CRACDL: variants seen among roughly 807,000 people sequenced by gnomAD.
CRACDL encodes the protein CRACD-like protein.
CRACDL carries 26 observed loss-of-function variants against 70.6 expected under a neutral mutation model. That is an observed-to-expected ratio of 0.37 (90% CI 0.27 to 0.51). CRACDL has a LOEUF of 0.51. Among genes scored for constraint, CRACDL ranks in the 20% least tolerant of loss-of-function variants. The pLI is 0.94. For synonymous variants in CRACDL, 618 were observed against 615.2 expected (o/e 1.00, Z -0.07); for missense variants, 1,283 against 1,376.9 (o/e 0.93, Z 1.08).
At chr2:98,915,933 G>A (rs893690115) in intron 1 of CRACDL, among the ~76,000 whole-genome samples, 8 of 152,158 alleles carry the variant, frequency 5.3e-5, no homozygotes, top group Non-Finnish European at 8.8e-5. Context: ...TGTGTTTGAC[G>A]AATGACAGCC....
At chr2:98,830,946 C>T (rs1705516360) in intron 5 of CRACDL, among the ~76,000 whole-genome samples, 3 of 152,182 alleles carry the variant, frequency 2.0e-5, no homozygotes, top group Admixed American at 2.0e-4. Context: ...AAAGAGGCAG[C>T]TCATGACAGA....
intron 1 of CRACDL, chr2:98,897,305 T>G (rs1238522011): frequency 9.7e-7 from 1 of 1,035,364 alleles, no homozygotes; most frequent in East Asian, 6.0e-5. Flanking sequence ...CCTTTTACCC[T>G]TCTGGTATTA....
chr2:98,802,661 T>C (rs1704125752), intron 7 of CRACDL, among the ~76,000 whole-genome samples: 1 of 152,240 alleles, frequency 6.6e-6, no homozygotes, highest in South Asian at 2.1e-4. Context: ...GTATTGTTTT[T>C]TTCTTTCAGA....
intron 3 of CRACDL, among the ~76,000 whole-genome samples, chr2:98,834,523 T>C (rs1705686769): frequency 6.6e-6 from 1 of 152,168 alleles, no homozygotes; most frequent in South Asian, 2.1e-4. Context: ...CTGGATATTA[T>C]CTGAACATGT....
chr2:98,926,109 A>T (rs372425017), intron 1 of CRACDL, among the ~76,000 whole-genome samples: 521 of 152,356 alleles, frequency 3.4e-3, no homozygotes, highest in African/African-American at 0.011. Context: ...TTCATAATGC[A>T]CAATCAACAC....
At position 98,821,985 on chromosome 2, in the gene CRACDL, G is replaced by C; in HGVS notation, c.2288C>G (p.Pro763Arg). The change falls in exon 7 of 10, where the codon CCC becomes CGC. Residue 763 changes from proline (P) to arginine (R), a missense_variant. Transcript: ENST00000397899. Reference protein sequence around the residue: ...PEPLSSKPPLPRKPLLQSFTL... With the variant: ...PEPLSSKPPLRRKPLLQSFTL... ...GAAGCTCTGCAGAAGCGGCTTCCGG[G>C]GCAGGGGCGGCTTGGAGCTGAGCGG... 6.5e-7 allele frequency: 1 copy of C among 1,530,340 alleles called. No individual in the cohort carries two copies. Among genetic ancestry groups the C allele is most frequent in the Non-Finnish European group, 8.8e-7 (1 of 1,139,218 alleles). The allele number at this position is 1,530,340 out of a possible 1,614,324, so 94.8% of individuals were successfully genotyped here.
intron 1 of CRACDL, among the ~76,000 whole-genome samples, chr2:98,872,924 T>C (rs1707387814): frequency 6.6e-6 from 1 of 152,216 alleles, no homozygotes; most frequent in Non-Finnish European, 1.5e-5. Context: ...TCGTGCTTTT[T>C]CACGCTTCCT....
intron 1 of CRACDL, 125 bp from the exon 2 acceptor site, chr2:98,846,935 G>A (rs1293893241): frequency 2.6e-6 from 2 of 767,626 alleles, no homozygotes; most frequent in African/African-American, 1.7e-5. Context: ...AGACAGTCCA[G>A]GGCAGAGTGC....
intron 1 of CRACDL, among the ~76,000 whole-genome samples, chr2:98,853,635 G>A (rs533008068): frequency 5.9e-5 from 9 of 152,190 alleles, no homozygotes; most frequent in Admixed American, 1.3e-4. Context: ...TAAAAAGTAC[G>A]TGTTTTTCTT....
chr2:98,926,981 C>T (rs1607256), intron 1 of CRACDL, among the ~76,000 whole-genome samples: 78,994 of 151,996 alleles, frequency 0.52, 22,073 homozygotes, highest in African/African-American at 0.71. Context: ...AAGTACTTGG[C>T]TTGTATGCAA....
chr2:98,841,266 TA>T (rs759722296), intron 2 of CRACDL, among the ~76,000 whole-genome samples: 7 of 152,198 alleles, frequency 4.6e-5, no homozygotes, highest in Non-Finnish European at 8.8e-5. Context: ...TGTAATTAAT[TA>T]ATTTAACTAG....
intron 1 of CRACDL, among the ~76,000 whole-genome samples, chr2:98,916,825 C>T (rs1708677388): frequency 6.6e-6 from 1 of 152,202 alleles, no homozygotes; most frequent in African/African-American, 2.4e-5. Flanking sequence ...GGACACAGGG[C>T]AGAGCAGCTG....
At chr2:98,852,501 C>T (rs1026962307) in intron 1 of CRACDL, among the ~76,000 whole-genome samples, 13 of 151,648 alleles carry the variant, frequency 8.6e-5, no homozygotes, top group African/African-American at 2.9e-4. Flanking sequence ...AAAAAAAACA[C>T]CTAAGAAAGA....
intron 9 of CRACDL, among the ~76,000 whole-genome samples, chr2:98,795,077 A>ATATATATATATATATATATTTTT: frequency 1.7e-5 from 1 of 58,494 alleles, no homozygotes; most frequent in African/African-American, 6.6e-5. Context: ...ATATATATAT[A>ATATATATATATATATATATTTTT]TTTTTTTTTT....
chr2:98,838,241 C>T lies in CRACDL; in HGVS notation c.117G>A (p.Lys39=), dbSNP rs761153910. 1.9e-6 allele frequency: 3 copies of T among 1,612,654 alleles called. No individual in the cohort carries two copies. Among genetic ancestry groups the T allele is most frequent in the Non-Finnish European group, 2.5e-6 (3 of 1,179,112 alleles). The change falls in exon 3 of 10, where the codon AAG becomes AAA. Residue 39 remains lysine, a synonymous_variant. Transcript: ENST00000397899. The part of the protein sequence containing the change: ...KFKTFKKFFG[K]KKRKESPSST... Reference sequence around the variant, plus strand: ...ACGACGGCGATTCTTTTCTCTTCTTCTTCCCAAAAAACTTCTTAAAAGTTT... The same window carrying T: ...ACGACGGCGATTCTTTTCTCTTCTTTTTCCCAAAAAACTTCTTAAAAGTTT...
chr2:98,806,837 C>A (rs912336265), intron 7 of CRACDL, among the ~76,000 whole-genome samples: 1 of 152,210 alleles, frequency 6.6e-6, no homozygotes, highest in Admixed American at 6.5e-5. Flanking sequence ...TCTCAGATCT[C>A]CAGGAACTGC....
intron 1 of CRACDL, among the ~76,000 whole-genome samples, chr2:98,874,810 A>G (rs1707440676): frequency 6.6e-6 from 1 of 152,172 alleles, no homozygotes; most frequent in Non-Finnish European, 1.5e-5. Flanking sequence ...TTCTACAAAG[A>G]AAGTCCCATC....
At chr2:98,826,932 G>A (rs1705328831) in intron 6 of CRACDL, 43 bp downstream of exon 6, 3 of 1,521,994 alleles carry the variant, frequency 2.0e-6, no homozygotes, top group Non-Finnish European at 2.7e-6. Context: ...GGGGTGCCAA[G>A]CCTGCCTGGC....
intron 1 of CRACDL, among the ~76,000 whole-genome samples, chr2:98,879,766 G>C (rs919014538): frequency 6.6e-6 from 1 of 152,152 alleles, no homozygotes; most frequent in Non-Finnish European, 1.5e-5. Context: ...GGCTGGTCTC[G>C]AACTCCTGAG....
Sources: allele counts gnomAD v4.1 joint callset (sites outside exome capture counted in the v4.1 genomes callset), GRCh38; gene constraint gnomAD v4.1.1; transcripts MANE v1.5; gene names NCBI Gene and HGNC (gene_info 2026-07-23, HGNC 2026-07-21).